DENND4C: variants seen among roughly 807,000 people sequenced by gnomAD.
DENND4C encodes DENN domain-containing protein 4C.
In DENND4C, 108 loss-of-function variants were observed where a neutral mutation model predicts 203.0. The observed-to-expected ratio is 0.53, with a 90% CI of 0.46 to 0.62. DENND4C has a LOEUF of 0.62. Ranked by LOEUF, DENND4C falls within the 20% of genes least tolerant of loss-of-function variation. DENND4C has a pLI of 0.00. For missense variants in DENND4C, 2,481 were observed against 2,301.2 expected (o/e 1.08, Z -1.60); for synonymous variants, 871 against 792.4 (o/e 1.10, Z -1.67).
intron 15 of DENND4C, among the ~76,000 whole-genome samples, chr9:19,326,886 C>T (rs2131704147): frequency 6.6e-6 from 1 of 152,152 alleles, no homozygotes; most frequent in African/African-American, 2.4e-5. Flanking sequence ...TTTGTAATGA[C>T]CACATTGTAT....
At chr9:19,323,035 T>A (rs1010724952) in intron 12 of DENND4C, among the ~76,000 whole-genome samples, 4 of 152,136 alleles carry the variant, frequency 2.6e-5, no homozygotes, top group African/African-American at 9.7e-5. Flanking sequence ...CTGGGCATGA[T>A]GGCTCATGCC....
At chr9:19,326,860 T>C (rs1817941964) in intron 15 of DENND4C, among the ~76,000 whole-genome samples, 2 of 152,134 alleles carry the variant, frequency 1.3e-5, no homozygotes, top group Admixed American at 1.3e-4. Flanking sequence ...CCATTAAATA[T>C]TTTTGTGCCT....
chr9:19,340,973 T>C lies in DENND4C; in HGVS notation c.2882-19T>C. On this transcript the variant is annotated intron_variant, in intron 20 of 32. Coordinates refer to ENST00000434457, the MANE Select transcript of DENND4C (RefSeq NM_001330640.2). ...GTATATGAAAACATTTATATGTAAG[T>C]CTGCATTCTTTTTAACAGGTGGTCA... is the stretch of plus-strand genomic sequence containing the variant. 2 of 1,580,346 alleles carry C rather than the reference T, an allele frequency of 1.3e-6. No individual in the cohort carries two copies. Among genetic ancestry groups the C allele is most frequent in the Non-Finnish European group, 1.7e-6 (2 of 1,168,604 alleles).
At chr9:19,241,902 T>C (rs932979969) in intron 1 of DENND4C, among the ~76,000 whole-genome samples, 1 of 151,104 alleles carries the variant, frequency 6.6e-6, no homozygotes. Flanking sequence ...TTTAAAAGTA[T>C]GACATAGGTT....
intron 30 of DENND4C, among the ~76,000 whole-genome samples, chr9:19,363,280 C>T (rs973601136): frequency 1.3e-5 from 2 of 151,968 alleles, no homozygotes; most frequent in Non-Finnish European, 2.9e-5. Flanking sequence ...TTTGGGAGGC[C>T]GAGGGCGGGT....
intron 30 of DENND4C, among the ~76,000 whole-genome samples, chr9:19,364,074 T>C (rs1188484778): frequency 6.6e-6 from 1 of 152,078 alleles, no homozygotes; most frequent in East Asian, 1.9e-4. Context: ...CCACAACACT[T>C]TGGGAGTCCA....
intron 15 of DENND4C, among the ~76,000 whole-genome samples, chr9:19,327,774 G>A (rs1818132721): frequency 6.6e-6 from 1 of 151,822 alleles, no homozygotes; most frequent in South Asian, 2.1e-4. Flanking sequence ...CTCCCTTTAA[G>A]TAAGATATCA....
intron 26 of DENND4C, among the ~76,000 whole-genome samples, chr9:19,353,330 C>T (rs942987439): frequency 3.3e-5 from 5 of 152,018 alleles, no homozygotes; most frequent in Non-Finnish European, 7.4e-5. Flanking sequence ...CCTTTAGCTG[C>T]TTTAAAAAAA....
intron 4 of DENND4C, among the ~76,000 whole-genome samples, chr9:19,289,132 A>G (rs1274555337): frequency 6.6e-6 from 1 of 152,206 alleles, no homozygotes; most frequent in Non-Finnish European, 1.5e-5. Context: ...AGAATCAGCT[A>G]TATGGAGGAG....
intron 12 of DENND4C, among the ~76,000 whole-genome samples, chr9:19,319,532 A>G (rs1328627233): frequency 1.3e-5 from 2 of 150,480 alleles, no homozygotes; most frequent in Non-Finnish European, 3.0e-5. Flanking sequence ...GTACAATTTG[A>G]CCAGAGTGAT....
At chr9:19,243,811 G>T (rs892766186) in intron 1 of DENND4C, among the ~76,000 whole-genome samples, 1 of 151,996 alleles carries the variant, frequency 6.6e-6, no homozygotes, top group South Asian at 2.1e-4. Flanking sequence ...TTTACATACA[G>T]ATTTTTTTGT....
chr9:19,320,666 A>G (rs1227456835), intron 12 of DENND4C, among the ~76,000 whole-genome samples: 5 of 152,218 alleles, frequency 3.3e-5, no homozygotes, highest in African/African-American at 1.2e-4. Context: ...AGAAGTGCCA[A>G]AATACGTGGT....
At chr9:19,365,722 T>TCCCGCCACTGCAC (rs1332705954) in intron 30 of DENND4C, among the ~76,000 whole-genome samples, 2 of 112,638 alleles carry the variant, frequency 1.8e-5, no homozygotes, top group African/African-American at 2.9e-5. Context: ...ACTGCATAAG[T>TCCCGCCACTGCAC]TCAGCAAGGT....
intron 30 of DENND4C, among the ~76,000 whole-genome samples, chr9:19,363,436 C>T (rs1037505888): frequency 2.6e-5 from 4 of 151,806 alleles, no homozygotes; most frequent in African/African-American, 4.8e-5. Context: ...TGCTTGAACC[C>T]GGGAGGCGGA....
intron 1 of DENND4C, among the ~76,000 whole-genome samples, chr9:19,265,692 G>A (rs1830353364): frequency 6.6e-6 from 1 of 152,148 alleles, no homozygotes; most frequent in Non-Finnish European, 1.5e-5. Context: ...CTATAAGTGA[G>A]AACATGCGGT....
At chr9:19,329,036 CA>C in intron 16 of DENND4C, among the ~76,000 whole-genome samples, 1 of 152,080 alleles carries the variant, frequency 6.6e-6, no homozygotes, top group South Asian at 2.1e-4. Context: ...GCAACAAGAG[CA>C]AAATTAAGTT....
At chr9:19,334,454 T>C (rs1040582501) in intron 17 of DENND4C, among the ~76,000 whole-genome samples, 1 of 152,020 alleles carries the variant, frequency 6.6e-6, no homozygotes, top group Non-Finnish European at 1.5e-5. Context: ...CATGGACACA[T>C]ATGTCTTATA....
At chr9:19,352,036 C>G (rs1236237952) in intron 24 of DENND4C, 37 bp from the exon 25 acceptor site, 5 of 1,557,346 alleles carry the variant, frequency 3.2e-6, no homozygotes, top group African/African-American at 1.4e-5. Flanking sequence ...CAAGGACATT[C>G]CTTACTTAAG....
rs768369662 is a variant in DENND4C, at chr9:19,286,892, T to C, written c.429T>C (p.Tyr143=). The C allele has an allele frequency of 4.1e-6, 5 of 1,232,168 alleles. No homozygotes were observed. Among genetic ancestry groups the C allele is most frequent in the Non-Finnish European group, 5.1e-6 (5 of 987,976 alleles). The allele number at this position is 1,232,168 out of a possible 1,614,324, so 76.3% of individuals were successfully genotyped here. The change falls in exon 3 of 33, where the codon TAT becomes TAC. Residue 143 remains tyrosine (Y), a synonymous_variant. Coordinates refer to ENST00000434457, the MANE Select transcript of DENND4C (RefSeq NM_001330640.2). The part of the protein sequence containing the change: ...STTSQRIFIT[Y]RRAPPVRPQN... ...CTTCACAAAGAATCTTTATCACTTA[T>C]CGAAGGGCTCCTCCAGTTCGACCCC...
Sources: allele counts gnomAD v4.1 joint callset (sites outside exome capture counted in the v4.1 genomes callset), GRCh38; gene constraint gnomAD v4.1.1; transcripts MANE v1.5; gene names NCBI Gene and HGNC (gene_info 2026-07-23, HGNC 2026-07-21).